The following CYLD variants were observed in gnomAD, a reference collection of about 807,000 sequenced individuals.
CYLD encodes the protein CYLD lysine 63 deubiquitinase.
CYLD carries 26 observed loss-of-function variants against 104.5 expected under a neutral mutation model. The ratio of observed to expected loss-of-function variants is 0.25; its 90% CI spans 0.18 to 0.35. The LOEUF (loss-of-function observed/expected upper bound fraction) is 0.35. CYLD is among the 10% of genes least tolerant of loss of function. CYLD has a pLI of 1.00. For synonymous variants in CYLD, 385 were observed against 399.9 expected (o/e 0.96, Z 0.45); for missense variants, 703 against 1,136.1 (o/e 0.62, Z 5.48).
intron 14 of CYLD, among the ~76,000 whole-genome samples, chr16:50,788,747 A>G (rs1971103499): frequency 6.6e-6 from 1 of 152,236 alleles, no homozygotes; most frequent in East Asian, 1.9e-4. Context: ...AATAATTCAT[A>G]ATTTGTCTAT....
At chr16:50,795,016 G>A (rs756829133) in intron 18 of CYLD, 3 of 163,248 alleles carry the variant, frequency 1.8e-5, no homozygotes, top group Non-Finnish European at 4.0e-5. Context: ...TTCCAGCTTC[G>A]CTGTCTTCTT....
chr16:50,744,962 C>A (rs1009414715), intron 2 of CYLD: 6 of 152,336 alleles, frequency 3.9e-5, no homozygotes, highest in Non-Finnish European at 8.8e-5. Flanking sequence ...TCTCCTTCAT[C>A]AGCGTCCTTA....
intron 5 of CYLD, among the ~76,000 whole-genome samples, chr16:50,772,611 A>G (rs1969272056): frequency 6.6e-6 from 1 of 152,236 alleles, no homozygotes; most frequent in Non-Finnish European, 1.5e-5. Flanking sequence ...ATGAGCATTT[A>G]GGTTGTTTTC....
rs202119806 is a variant in CYLD at position 50,749,824 on chromosome 16, G to A, written c.126G>A (p.Pro42=). ...AAACACAAAAGCTCCTTAAAGTACC[G>A]AAGGGAAGTATAGGACAGTATATTC... ...DKQTQKLLKV[P]KGSIGQYIQD... is the part of the protein sequence containing the mutation. Residue 42 remains proline (P), a synonymous_variant, in exon 3 of 19, where the codon CCG becomes CCA. Coordinates refer to ENST00000427738, the MANE Select transcript of CYLD (RefSeq NM_001378743.1). The A allele has an allele frequency of 3.6e-4, 580 of 1,614,090 alleles. No homozygotes were observed. The highest frequency in any genetic ancestry group is 4.3e-4 in the Admixed American group (26 of 60,008).
In CYLD at chr16:50,798,608, C is replaced by G. The variant is rs1443699504; in HGVS notation, c.*2100C>G. 3.9e-5 allele frequency: 8 copies of G among 206,960 alleles called. No individual in the cohort carries two copies. Among genetic ancestry groups the G allele is most frequent in the Non-Finnish European group, 6.4e-5 (7 of 110,042 alleles). The allele number at this position is 206,960 out of a possible 1,614,324, so 12.8% of individuals were successfully genotyped here. ...ACGATCTAGGTAAGACTGGATTTAA[C>G]AGTTGGAAAAAAAAAAAAAAAAGGA... On this transcript the variant is annotated 3_prime_UTR_variant, in exon 19 of 19. Transcript: ENST00000427738.
In CYLD at chr16:50,786,961, T is replaced by G; in HGVS notation, c.2041+15T>G. Reference sequence around the variant, plus strand: ...TGAAGAAAAAGGTGACCATCTTAACTTATATGCGTTAAAAATAACTGAAGA... The same window carrying G: ...TGAAGAAAAAGGTGACCATCTTAACGTATATGCGTTAAAAATAACTGAAGA... On this transcript the variant is annotated intron_variant, in intron 13 of 18. Transcript: ENST00000427738. The G allele has an allele frequency of 6.3e-7, 1 of 1,583,456 alleles. No individual in the cohort carries two copies. Among genetic ancestry groups the G allele is most frequent in the Non-Finnish European group, 8.7e-7 (1 of 1,152,090 alleles).
At chr16:50,754,953 A>ATATG (rs1382394470) in intron 5 of CYLD, among the ~76,000 whole-genome samples, 1 of 146,556 alleles carries the variant, frequency 6.8e-6, no homozygotes, top group Non-Finnish European at 1.5e-5. Context: ...ATACACACAT[A>ATATG]TATACATATA....
Position 50,768,123 on chromosome 16 carries a change from TA to T in CYLD, c.914-7042del, listed in dbSNP as rs575689939. Among the ~76,000 whole-genome samples the T allele has an allele frequency of 1.4e-3, 209 of 152,278 alleles. 1 individual carries two copies. The highest frequency in any genetic ancestry group is 4.6e-3 in the African/African-American group (193 of 41,572). On this transcript the variant is annotated intron_variant, in intron 5 of 18. Transcript: ENST00000427738. ...CAGTGAAGAGAAAGAAAAAGAATGA[TA>T]TTTTTTTTTCTTTTAAAGCTTGATT...
intron 5 of CYLD, among the ~76,000 whole-genome samples, chr16:50,762,482 A>C (rs748743207): frequency 1.3e-5 from 2 of 152,144 alleles, no homozygotes; most frequent in Non-Finnish European, 2.9e-5. Context: ...ATTTCCCTAC[A>C]CTAAAGCCTA....
intron 15 of CYLD, among the ~76,000 whole-genome samples, chr16:50,791,951 G>A (rs939528710): frequency 5.9e-5 from 9 of 152,158 alleles, no homozygotes; most frequent in Admixed American, 5.9e-4. Context: ...CTTTTAGGTA[G>A]TTTAAAGCAA....
intron 5 of CYLD, among the ~76,000 whole-genome samples, chr16:50,765,156 T>G (rs894506918): frequency 1.3e-5 from 2 of 152,216 alleles, no homozygotes; most frequent in Admixed American, 6.5e-5. Flanking sequence ...TTTTATTAAT[T>G]GAAGGTTTGT....
At chr16:50,768,562 A>G (rs925797170) in intron 5 of CYLD, among the ~76,000 whole-genome samples, 3 of 152,232 alleles carry the variant, frequency 2.0e-5, no homozygotes, top group Admixed American at 2.0e-4. Flanking sequence ...TGATTGAAAG[A>G]TGCAGGAATC....
At position 50,796,406 on chromosome 16, in the gene CYLD, G is replaced by C; in HGVS notation, c.2769G>C (p.Leu923=). ...GEYLKMSLED[L]HSLDSRRIQG... is the part of the protein sequence containing the mutation. Reference sequence around the variant, plus strand: ...ACTTGAAGATGTCTCTGGAAGACCTGCATTCCTTGGACTCCAGGAGAATCC... The same window carrying C: ...ACTTGAAGATGTCTCTGGAAGACCTCCATTCCTTGGACTCCAGGAGAATCC... The change falls in exon 19 of 19, where the codon CTG becomes CTC. Residue 923 remains leucine (L), a synonymous_variant. Coordinates refer to ENST00000427738, the MANE Select transcript of CYLD (RefSeq NM_001378743.1). 1 of 1,614,106 alleles carries C rather than the reference G, an allele frequency of 6.2e-7. No individual in the cohort carries two copies. The highest frequency in any genetic ancestry group is 8.5e-7 in the Non-Finnish European group (1 of 1,180,010).
At chr16:50,783,152 G>T (rs1567450094) in intron 11 of CYLD, among the ~76,000 whole-genome samples, 1 of 151,874 alleles carries the variant, frequency 6.6e-6, no homozygotes, top group African/African-American at 2.4e-5. Flanking sequence ...GGCTGGTCTC[G>T]AACGTCTCAC....
chr16:50,784,494 C>A, intron 12 of CYLD, 43 bp downstream of exon 12: 1 of 1,599,962 alleles, frequency 6.3e-7, no homozygotes, highest in Non-Finnish European at 8.5e-7. Flanking sequence ...ACATGGTGTT[C>A]TATTTGCTGT....
chr16:50,759,108 G>A (rs1455020442), intron 5 of CYLD, among the ~76,000 whole-genome samples: 1 of 152,148 alleles, frequency 6.6e-6, no homozygotes, highest in African/African-American at 2.4e-5. Context: ...AGGCGTGGTG[G>A]CGGTCACCTG....
At chr16:50,779,031 T>C (rs1419495972) in intron 8 of CYLD, among the ~76,000 whole-genome samples, 1 of 152,200 alleles carries the variant, frequency 6.6e-6, no homozygotes, top group African/African-American at 2.4e-5. Context: ...GTGTTTGTGT[T>C]TATTCTGGCT....
chr16:50,771,948 A>T (rs897613931), intron 5 of CYLD, among the ~76,000 whole-genome samples: 3 of 152,176 alleles, frequency 2.0e-5, no homozygotes, highest in Non-Finnish European at 4.4e-5. Flanking sequence ...CACAGTCTCG[A>T]TCACTGCGGC....
intron 5 of CYLD, among the ~76,000 whole-genome samples, chr16:50,754,916 T>C (rs928032988): frequency 1.3e-5 from 2 of 148,524 alleles, no homozygotes; most frequent in African/African-American, 4.9e-5. Context: ...CACATATATG[T>C]ATACATATAT....
Sources: gnomAD v4.1 joint callset for allele counts (sites outside exome capture counted in the v4.1 genomes callset) on GRCh38, gnomAD v4.1.1 for gene constraint, MANE v1.5 for transcripts, NCBI Gene and HGNC (gene_info 2026-07-23, HGNC 2026-07-21) for gene names.